Variants in PTPRJ observed in about 807,000 individuals in gnomAD.
PTPRJ encodes protein tyrosine phosphatase receptor type J.
Under a neutral mutation model 141.3 loss-of-function variants are expected in PTPRJ, and 129 were observed. That is an observed-to-expected ratio of 0.91 (90% CI 0.79 to 1.06). The LOEUF (loss-of-function observed/expected upper bound fraction) is 1.06, where lower values mean the gene tolerates loss of function less well. Ranked by LOEUF, PTPRJ falls within the 50% of genes least tolerant of loss-of-function variation. The pLI, the probability that PTPRJ is intolerant of heterozygous loss-of-function variation, is 0.00. For synonymous variants in PTPRJ, 610 were observed against 640.5 expected, an observed-to-expected ratio of 0.95 and a Z score of 0.72; for missense variants, 1,601 against 1,679.7, an observed-to-expected ratio of 0.95 and a Z score of 0.82.
chr11:48,121,231 C>T lies in PTPRJ; in HGVS notation c.581C>T (p.Thr194Ile). ...FSITPGIGNE[T>I]WGDPRVIKVI... is the part of the protein sequence containing the mutation. Reference sequence around the variant, plus strand: ...ATCACTCCAGGAATAGGCAATGAGACTTGGGGAGATCCCAGAGTCATAAAA... The same window carrying T: ...ATCACTCCAGGAATAGGCAATGAGATTTGGGGAGATCCCAGAGTCATAAAA... Residue 194 changes from threonine (T) to isoleucine (I), a missense_variant, in exon 4 of 25, where the codon ACT becomes ATT. Transcript: ENST00000418331. The T allele has an allele frequency of 6.2e-7, 1 of 1,614,146 alleles. No homozygotes were observed. The highest frequency in any genetic ancestry group is 8.5e-7 in the Non-Finnish European group (1 of 1,179,986).
chr11:48,103,373 C>T (rs571174583), intron 1 of PTPRJ, among the ~76,000 whole-genome samples: 1 of 152,254 alleles, frequency 6.6e-6, no homozygotes, highest in South Asian at 2.1e-4. Context: ...GCTGGGGGAT[C>T]GCTTGAGCCC....
intron 1 of PTPRJ, among the ~76,000 whole-genome samples, chr11:48,073,300 A>G (rs1855310325): frequency 6.6e-6 from 1 of 152,252 alleles, no homozygotes; most frequent in Non-Finnish European, 1.5e-5. Flanking sequence ...GGCATCCCAC[A>G]TGAGGTCCAG....
chr11:48,129,539 C>T (rs1442806860), intron 7 of PTPRJ, among the ~76,000 whole-genome samples: 2 of 152,130 alleles, frequency 1.3e-5, no homozygotes, highest in Non-Finnish European at 2.9e-5. Context: ...GGGGTTAGGA[C>T]ATAAACATAC....
intron 1 of PTPRJ, among the ~76,000 whole-genome samples, chr11:48,023,816 AAATAAATAAATT>A (rs1175138192): frequency 6.8e-6 from 1 of 147,024 alleles, no homozygotes; most frequent in African/African-American, 2.7e-5. Context: ...ATAAATAAAT[AAATAAATAAATT>A]GGAATTTAAT....
At chr11:48,105,800 C>G (rs1856274293) in intron 1 of PTPRJ, among the ~76,000 whole-genome samples, 1 of 152,062 alleles carries the variant, frequency 6.6e-6, no homozygotes, top group South Asian at 2.1e-4. Context: ...TAGGAGGAGG[C>G]TGACCTTTAT....
At chr11:47,982,262 G>C (rs1201780426) in intron 1 of PTPRJ, among the ~76,000 whole-genome samples, 2 of 152,240 alleles carry the variant, frequency 1.3e-5, no homozygotes, top group East Asian at 1.9e-4. Flanking sequence ...CCTGGGAGTA[G>C]ATGTCAGGAG....
At chr11:48,120,431 CTT>C (rs1288331558) in intron 3 of PTPRJ, among the ~76,000 whole-genome samples, 1 of 151,926 alleles carries the variant, frequency 6.6e-6, no homozygotes, top group Non-Finnish European at 1.5e-5. Flanking sequence ...TTTGATCTCT[CTT>C]TTTTATTTTG....
At chr11:48,026,081 C>G (rs946705554) in intron 1 of PTPRJ, among the ~76,000 whole-genome samples, 1 of 152,218 alleles carries the variant, frequency 6.6e-6, no homozygotes, top group Non-Finnish European at 1.5e-5. Flanking sequence ...TTCTATAGCA[C>G]TCACCCTGCA....
chr11:48,037,069 T>C (rs76487288), intron 1 of PTPRJ, among the ~76,000 whole-genome samples: 1,698 of 152,344 alleles, frequency 0.011, 16 homozygotes, highest in East Asian at 0.044. Flanking sequence ...TGAAGAAAAT[T>C]ACACTGGAAA....
At chr11:48,051,065 AT>A (rs1204573616) in intron 1 of PTPRJ, among the ~76,000 whole-genome samples, 2 of 134,522 alleles carry the variant, frequency 1.5e-5, no homozygotes, top group Admixed American at 7.5e-5. Context: ...TTCAGAGGTG[AT>A]AGCCAGTTAA....
intron 1 of PTPRJ, among the ~76,000 whole-genome samples, chr11:48,014,242 G>A (rs1293370150): frequency 2.0e-5 from 3 of 152,170 alleles, no homozygotes; most frequent in African/African-American, 7.2e-5. Context: ...GTGAGGAAAA[G>A]GGGAGGTATT....
intron 1 of PTPRJ, among the ~76,000 whole-genome samples, chr11:48,035,327 A>G (rs971253133): frequency 6.6e-6 from 1 of 152,172 alleles, no homozygotes; most frequent in African/African-American, 2.4e-5. Flanking sequence ...TTCCTAAAGC[A>G]CCGCAGATCT....
At chr11:47,998,253 A>G (rs574181658) in intron 1 of PTPRJ, among the ~76,000 whole-genome samples, 2 of 152,192 alleles carry the variant, frequency 1.3e-5, no homozygotes, top group Non-Finnish European at 2.9e-5. Flanking sequence ...CATGTTAGCT[A>G]GATCAGTAGG....
At chr11:48,090,935 C>T (rs1459891760) in intron 1 of PTPRJ, among the ~76,000 whole-genome samples, 1 of 152,186 alleles carries the variant, frequency 6.6e-6, no homozygotes, top group East Asian at 1.9e-4. Context: ...AGGCACCCAG[C>T]CTGCCCCACT....
At chr11:48,076,921 G>GC (rs1487237230) in intron 1 of PTPRJ, among the ~76,000 whole-genome samples, 7 of 152,018 alleles carry the variant, frequency 4.6e-5, no homozygotes, top group Non-Finnish European at 2.9e-5. Flanking sequence ...AGGCTGGAGT[G>GC]CAATGGCGCC....
chr11:48,160,032 G>T lies in PTPRJ; in HGVS notation c.3541G>T (p.Asp1181Tyr). Residue 1181 changes from aspartate (D) to tyrosine (Y), a missense_variant, in exon 22 of 25, where the codon GAT (aspartate) becomes TAT (tyrosine). Physicochemically the swap from Asp to Tyr is radical, Grantham distance 160. Coordinates refer to ENST00000418331, the MANE Select transcript of PTPRJ (RefSeq NM_002843.4). ...TGTTCTTCCGGAATGGACCATCAGA[G>T]ATTTCACAGTGAAAAATGTAAGTAA... ...EIVLPEWTIRDFTVKNIQTSE... is the reference protein window; with the variant it reads ...EIVLPEWTIRYFTVKNIQTSE... The T allele has an allele frequency of 6.2e-7, 1 of 1,613,940 alleles. No homozygotes were observed. Among genetic ancestry groups the T allele is most frequent in the Non-Finnish European group, 8.5e-7 (1 of 1,179,856 alleles).
rs1391673716 is a variant in PTPRJ at position 48,123,847 on chromosome 11, C to G, written c.851C>G (p.Pro284Arg). ...CAATCAAATAAGACAAAGGGAGACCCCTTGGGCACAGAAGGTGGCTTGGGT... is the reference window on the plus strand; with the variant it reads ...CAATCAAATAAGACAAAGGGAGACCGCTTGGGCACAGAAGGTGGCTTGGGT... Reference protein sequence around the residue: ...LLQSNKTKGDPLGTEGGLDAS... With the variant: ...LLQSNKTKGDRLGTEGGLDAS... Residue 284 changes from proline (P) to arginine (R), a missense_variant, in exon 5 of 25, where the codon CCC becomes CGC. By Grantham distance (103) the Pro-to-Arg change is moderately radical (BLOSUM62 -2). Transcript: ENST00000418331. The G allele has an allele frequency of 5.0e-6, 8 of 1,613,916 alleles. No individual in the cohort carries two copies. In the African/African-American group the frequency reaches 5.3e-5, roughly 11 times the overall value.
chr11:48,149,876 T>C, intron 16 of PTPRJ, 114 bp from the exon 17 acceptor site: 1 of 789,114 alleles, frequency 1.3e-6, no homozygotes, highest in South Asian at 1.8e-5. Flanking sequence ...TGACCCCCTC[T>C]TGCCAAATTA....
chr11:48,139,446 A>G lies in PTPRJ; in HGVS notation c.2153-40A>G, dbSNP rs886568499. The G allele has an allele frequency of 6.3e-6, 10 of 1,596,846 alleles. No homozygotes were observed. The African/African-American group carries it at 1.3e-4, about 21-fold the overall frequency. The stretch of plus-strand genomic sequence containing the variant: ...CCTATTTCCATGTTTGCAAAGGCAA[A>G]AGTCCCGGAATCTCATGCTGTGCTG... On this transcript the variant is annotated intron_variant, in intron 10 of 24. Coordinates refer to ENST00000418331, the MANE Select transcript of PTPRJ (RefSeq NM_002843.4).
Sources: allele counts gnomAD v4.1 joint callset (sites outside exome capture counted in the v4.1 genomes callset), GRCh38; gene constraint gnomAD v4.1.1; transcripts MANE v1.5; gene names NCBI Gene and HGNC (gene_info 2026-07-23, HGNC 2026-07-21).